The following CHCHD3 variants were observed in gnomAD, a reference collection of about 807,000 sequenced individuals.
CHCHD3 encodes MICOS complex subunit MIC19.
In CHCHD3, 20 loss-of-function variants were observed where a neutral mutation model predicts 38.2. That is an observed-to-expected ratio of 0.52 (90% CI 0.37 to 0.76). The LOEUF (loss-of-function observed/expected upper bound fraction) is 0.76. Ranked by LOEUF, CHCHD3 falls within the 30% of genes least tolerant of loss-of-function variation. The pLI is 0.00. For missense variants in CHCHD3, 245 were observed against 279.2 expected (o/e 0.88, Z 0.87); for synonymous variants, 82 against 100.0 (o/e 0.82, Z 1.07).
intron 4 of CHCHD3, among the ~76,000 whole-genome samples, chr7:132,952,856 C>T (rs1268798762): frequency 6.6e-6 from 1 of 152,180 alleles, no homozygotes; most frequent in African/African-American, 2.4e-5. Flanking sequence ...GGGAAGGTGG[C>T]AGTAAAATAC....
chr7:132,922,901 G>A (rs1349429138), intron 4 of CHCHD3, among the ~76,000 whole-genome samples: 1 of 152,110 alleles, frequency 6.6e-6, no homozygotes, highest in Non-Finnish European at 1.5e-5. Flanking sequence ...TCCAAATGAT[G>A]TTGATTCATC....
At chr7:133,018,677 T>C (rs1783025142) in intron 3 of CHCHD3, among the ~76,000 whole-genome samples, 1 of 152,148 alleles carries the variant, frequency 6.6e-6, no homozygotes, top group Non-Finnish European at 1.5e-5. Context: ...CTCTGGTCAG[T>C]AGCCAATTTC....
chr7:132,895,010 T>C (rs1809458327), intron 4 of CHCHD3, among the ~76,000 whole-genome samples: 1 of 152,226 alleles, frequency 6.6e-6, no homozygotes, highest in African/African-American at 2.4e-5. Context: ...ATTAGCAAAA[T>C]GACTGCTGGA....
chr7:132,804,231 T>C (rs907307530), intron 6 of CHCHD3, among the ~76,000 whole-genome samples: 11 of 152,094 alleles, frequency 7.2e-5, no homozygotes, highest in African/African-American at 2.7e-4. Context: ...TTTGGAGAAA[T>C]ACATACTTCA....
chr7:133,054,331 G>C (rs1051366382), intron 2 of CHCHD3, among the ~76,000 whole-genome samples: 3 of 152,112 alleles, frequency 2.0e-5, no homozygotes, highest in African/African-American at 7.2e-5. Flanking sequence ...AGAGAATGAG[G>C]TCATTCTGCA....
intron 5 of CHCHD3, among the ~76,000 whole-genome samples, chr7:132,879,092 T>G (rs925188059): frequency 6.6e-6 from 1 of 152,184 alleles, no homozygotes; most frequent in Non-Finnish European, 1.5e-5. Context: ...ATAGGTAATA[T>G]GTTTATAGAC....
At chr7:132,819,723 G>T (rs571233926) in intron 6 of CHCHD3, among the ~76,000 whole-genome samples, 1 of 152,186 alleles carries the variant, frequency 6.6e-6, no homozygotes, top group South Asian at 2.1e-4. Context: ...AGGAAGGGAG[G>T]TGTCTAGAAA....
intron 4 of CHCHD3, among the ~76,000 whole-genome samples, chr7:132,963,322 A>ATTTTTTT (rs1005146883): frequency 2.4e-4 from 21 of 87,570 alleles, no homozygotes; most frequent in South Asian, 1.4e-3. Context: ...TAAAATTGTA[A>ATTTTTTT]TTTTTTTTTT....
chr7:133,074,718 C>A (rs986838990), intron 1 of CHCHD3, among the ~76,000 whole-genome samples: 4 of 151,986 alleles, frequency 2.6e-5, no homozygotes, highest in African/African-American at 9.7e-5. Context: ...AATCTTAAAG[C>A]TATTTTAACT....
chr7:133,000,135 A>T (rs1812526523), intron 3 of CHCHD3, among the ~76,000 whole-genome samples: 1 of 152,204 alleles, frequency 6.6e-6, no homozygotes, highest in Non-Finnish European at 1.5e-5. Flanking sequence ...ACATTTGCCA[A>T]TGACAGGTAA....
chr7:133,023,681 C>T (rs145481816), intron 3 of CHCHD3, among the ~76,000 whole-genome samples: 214 of 152,214 alleles, frequency 1.4e-3, no homozygotes, highest in Middle Eastern at 0.01. Context: ...GTTTTCCCAT[C>T]TTTTTATGAA....
intron 4 of CHCHD3, among the ~76,000 whole-genome samples, chr7:132,949,365 A>G (rs1810983416): frequency 1.3e-5 from 2 of 152,064 alleles, no homozygotes; most frequent in African/African-American, 4.8e-5. Context: ...CCCCTACTCA[A>G]TCCCACTGCC....
intron 5 of CHCHD3, chr7:132,847,243 C>G (rs977572977): frequency 6.6e-6 from 1 of 152,030 alleles, no homozygotes; most frequent in Admixed American, 6.6e-5. Flanking sequence ...GCAAAGGAGG[C>G]TAGGAAATTG....
chr7:132,819,608 A>C (rs1435229932), intron 6 of CHCHD3, among the ~76,000 whole-genome samples: 3 of 152,206 alleles, frequency 2.0e-5, no homozygotes, highest in Non-Finnish European at 4.4e-5. Flanking sequence ...TTCACACTTG[A>C]GAAGGGAGAT....
At chr7:132,864,084 C>T (rs1808555516) in intron 5 of CHCHD3, among the ~76,000 whole-genome samples, 1 of 152,158 alleles carries the variant, frequency 6.6e-6, no homozygotes, top group African/African-American at 2.4e-5. Context: ...CACAACTTGG[C>T]CAATTGTTTG....
intron 4 of CHCHD3, among the ~76,000 whole-genome samples, chr7:132,922,820 A>T (rs72607794): frequency 0.09 from 13,629 of 152,122 alleles, 1,240 homozygotes; most frequent in East Asian, 0.31. Context: ...GTATGGGGCA[A>T]CCTACCAGCA....
At chr7:132,872,177 G>T (rs1808782181) in intron 5 of CHCHD3, among the ~76,000 whole-genome samples, 1 of 152,190 alleles carries the variant, frequency 6.6e-6, no homozygotes, top group South Asian at 2.1e-4. Flanking sequence ...AGTTCAAATA[G>T]TTCTAGGATA....
At chr7:132,895,812 C>T (rs1809480078) in intron 4 of CHCHD3, among the ~76,000 whole-genome samples, 1 of 152,186 alleles carries the variant, frequency 6.6e-6, no homozygotes, top group Non-Finnish European at 1.5e-5. Flanking sequence ...TCATAAATTA[C>T]CCAGTCTCAG....
chr7:133,070,029 A>G (rs1814773295), intron 2 of CHCHD3, 113 bp downstream of exon 2: 1 of 703,854 alleles, frequency 1.4e-6, no homozygotes, highest in East Asian at 2.7e-5. Flanking sequence ...CCTTATTAAA[A>G]GCTAAACATC....
Sources: gnomAD v4.1 joint callset for allele counts (sites outside exome capture counted in the v4.1 genomes callset) on GRCh38, gnomAD v4.1.1 for gene constraint, MANE v1.5 for transcripts, NCBI Gene and HGNC (gene_info 2026-07-23, HGNC 2026-07-21) for gene names.